Variants in PLCL1 observed in about 807,000 individuals in gnomAD.
The protein encoded by PLCL1 is inactive phospholipase C-like protein 1.
PLCL1 carries 41 observed loss-of-function variants against 84.4 expected under a neutral mutation model. The observed-to-expected ratio is 0.49, with a 90% CI of 0.38 to 0.63. The LOEUF is 0.63. Ranked by LOEUF, PLCL1 falls within the 30% of genes least tolerant of loss-of-function variation. The pLI is 0.00. For missense variants in PLCL1, 1,206 were observed against 1,367.8 expected (o/e 0.88, Z 1.87); for synonymous variants, 490 against 488.3 (o/e 1.00, Z -0.05).
intron 1 of PLCL1, among the ~76,000 whole-genome samples, chr2:197,984,201 G>T (rs1292739194): frequency 6.6e-6 from 1 of 152,156 alleles, no homozygotes; most frequent in Non-Finnish European, 1.5e-5. Context: ...GTTTCAACAT[G>T]TTTTACTTTC....
In PLCL1 at chr2:198,149,837, T is replaced by G. The variant is rs1206749186; in HGVS notation, c.*2875T>G. ...ACAATATGTTATGGATATCTTTCTG[T>G]GTCAATAAATGTGTATTTACATTAG... On this transcript the variant is annotated 3_prime_UTR_variant, in exon 6 of 6. Transcript: ENST00000428675. 6.6e-6 allele frequency: 1 copy of G among 152,166 alleles called. No homozygotes were observed. Among genetic ancestry groups the G allele is most frequent in the Non-Finnish European group, 1.5e-5 (1 of 68,026 alleles). 9.4% of individuals were successfully genotyped at this position (152,166 alleles called of 1,614,324 possible). A position where few individuals can be genotyped will look rare whatever the true frequency, so the allele number is the denominator to read the frequency against.
chr2:197,864,593 A>G (rs1342856394), intron 1 of PLCL1, among the ~76,000 whole-genome samples: 2 of 150,722 alleles, frequency 1.3e-5, no homozygotes, highest in Non-Finnish European at 1.5e-5. Context: ...CAATCTTCCT[A>G]CCTCAGCCTC....
intron 1 of PLCL1, among the ~76,000 whole-genome samples, chr2:197,884,512 T>C (rs192401108): frequency 6.6e-6 from 1 of 152,332 alleles, no homozygotes; most frequent in East Asian, 1.9e-4. Flanking sequence ...GATTGGTTAC[T>C]AAGGAAGAAG....
intron 5 of PLCL1, among the ~76,000 whole-genome samples, chr2:198,144,619 C>A (rs1694471946): frequency 2.6e-5 from 4 of 152,126 alleles, no homozygotes. Context: ...GTAAGGAAGG[C>A]TGAAGGATAT....
At chr2:198,064,697 A>G (rs759411702) in intron 1 of PLCL1, among the ~76,000 whole-genome samples, 32 of 152,156 alleles carry the variant, frequency 2.1e-4, no homozygotes, top group Non-Finnish European at 4.1e-4. Flanking sequence ...CCAAAAGGAG[A>G]GTACTATTTT....
At chr2:198,076,076 G>A (rs902355279) in intron 1 of PLCL1, among the ~76,000 whole-genome samples, 1 of 152,128 alleles carries the variant, frequency 6.6e-6, no homozygotes, top group Non-Finnish European at 1.5e-5. Context: ...GAGTTCTAAT[G>A]AGCAAATGAT....
intron 1 of PLCL1, among the ~76,000 whole-genome samples, chr2:198,011,281 C>T (rs754540226): frequency 4.6e-5 from 7 of 151,912 alleles, no homozygotes; most frequent in Non-Finnish European, 8.8e-5. Context: ...ACTGCTTTCA[C>T]TGCATTCCAT....
intron 1 of PLCL1, among the ~76,000 whole-genome samples, chr2:197,815,783 C>T (rs1446187019): frequency 3.3e-5 from 5 of 152,028 alleles, no homozygotes; most frequent in African/African-American, 4.8e-5. Context: ...TCACTGTAGA[C>T]GGGGTGGAAA....
At chr2:197,971,429 A>T (rs912767077) in intron 1 of PLCL1, among the ~76,000 whole-genome samples, 1 of 152,230 alleles carries the variant, frequency 6.6e-6, no homozygotes, top group African/African-American at 2.4e-5. Flanking sequence ...GCTGGAAAAC[A>T]TCTTAAGCAC....
At chr2:197,895,283 A>G (rs1242139846) in intron 1 of PLCL1, among the ~76,000 whole-genome samples, 1 of 152,018 alleles carries the variant, frequency 6.6e-6, no homozygotes, top group African/African-American at 2.4e-5. Flanking sequence ...ATCTTGAGTC[A>G]GAGAAAGTAA....
In PLCL1 at chr2:197,999,792, G is replaced by T. The variant is rs543901641; in HGVS notation, c.241-83966G>T. Among the ~76,000 whole-genome samples the T allele has an allele frequency of 1.7e-4, 26 of 152,246 alleles. 1 individual carries two copies. The South Asian group carries it at 5.4e-3, about 32-fold the overall frequency. On this transcript the variant is annotated intron_variant, in intron 1 of 5. Coordinates refer to ENST00000428675, the MANE Select transcript of PLCL1 (RefSeq NM_006226.4). ...TAGATGTGGCTATGGAAATCATATA[G>T]AACCAACATTCCTCCCTTTCTTCCC...
At chr2:197,961,553 G>A (rs1559057300) in intron 1 of PLCL1, among the ~76,000 whole-genome samples, 1 of 151,822 alleles carries the variant, frequency 6.6e-6, no homozygotes, top group Non-Finnish European at 1.5e-5. Context: ...TGCTTCCTAT[G>A]GTATCTTTTG....
chr2:198,054,240 G>C (rs1218854613), intron 1 of PLCL1, among the ~76,000 whole-genome samples: 1 of 152,132 alleles, frequency 6.6e-6, no homozygotes, highest in African/African-American at 2.4e-5. Flanking sequence ...TATAATTCAA[G>C]TCCAATATTT....
At chr2:197,982,203 GTA>G (rs544265489) in intron 1 of PLCL1, among the ~76,000 whole-genome samples, 109 of 149,244 alleles carry the variant, frequency 7.3e-4, no homozygotes, top group African/African-American at 2.3e-3. Flanking sequence ...TAGAATTTAT[GTA>G]TATATATATG....
intron 5 of PLCL1, among the ~76,000 whole-genome samples, chr2:198,109,191 T>A (rs1236688698): frequency 6.6e-6 from 1 of 151,846 alleles, no homozygotes; most frequent in Non-Finnish European, 1.5e-5. Flanking sequence ...TAGTGTCTGG[T>A]GAGAGCACAG....
intron 1 of PLCL1, among the ~76,000 whole-genome samples, chr2:197,992,273 A>G (rs1437612745): frequency 6.6e-6 from 1 of 151,982 alleles, no homozygotes; most frequent in Non-Finnish European, 1.5e-5. Context: ...AATTAAATTA[A>G]TTTATTTTTG....
chr2:197,973,754 G>A (rs965695395), intron 1 of PLCL1, among the ~76,000 whole-genome samples: 3 of 152,206 alleles, frequency 2.0e-5, no homozygotes, highest in Admixed American at 6.5e-5. Context: ...AGGGAGGTGG[G>A]CAGGCGTGAG....
At chr2:197,904,479 A>G (rs1258689092) in intron 1 of PLCL1, among the ~76,000 whole-genome samples, 1 of 152,186 alleles carries the variant, frequency 6.6e-6, no homozygotes, top group Non-Finnish European at 1.5e-5. Context: ...ATGGATAGTC[A>G]CAGATTTCCT....
chr2:198,024,245 CAG>C (rs1398139706), intron 1 of PLCL1, among the ~76,000 whole-genome samples: 1 of 151,990 alleles, frequency 6.6e-6, no homozygotes, highest in Non-Finnish European at 1.5e-5. Flanking sequence ...CAGGGCCTAT[CAG>C]GGGTTGGCAG....
Sources: gnomAD v4.1 joint callset for allele counts (sites outside exome capture counted in the v4.1 genomes callset) on GRCh38, gnomAD v4.1.1 for gene constraint, MANE v1.5 for transcripts, NCBI Gene and HGNC (gene_info 2026-07-23, HGNC 2026-07-21) for gene names.